Variants in SHC4 observed in about 807,000 individuals in gnomAD.
The protein encoded by SHC4 is SHC-transforming protein 4.
In SHC4, 41 loss-of-function variants were observed where a neutral mutation model predicts 69.4. That is an observed-to-expected ratio of 0.59 (90% CI 0.46 to 0.77). SHC4 has a LOEUF of 0.77. Among genes scored for constraint, SHC4 ranks in the 30% least tolerant of loss-of-function variants. SHC4 has a pLI of 0.00. For synonymous variants in SHC4, 318 were observed against 299.3 expected, an observed-to-expected ratio of 1.06 and a Z score of -0.64; for missense variants, 777 against 783.8, an observed-to-expected ratio of 0.99 and a Z score of 0.10.
intron 4 of SHC4, chr15:48,878,060 C>A (rs892725196): frequency 2.2e-6 from 3 of 1,366,600 alleles, no homozygotes; most frequent in Non-Finnish European, 3.0e-6. Context: ...TACCTGAGGA[C>A]CACGCCTGCG....
chr15:48,845,671 C>G (rs1202344931), intron 9 of SHC4, among the ~76,000 whole-genome samples: 1 of 152,130 alleles, frequency 6.6e-6, no homozygotes, highest in Non-Finnish European at 1.5e-5. Flanking sequence ...TTTGGCCCCT[C>G]AAATGTTCAA....
At chr15:48,864,085 T>TAG (rs1321365049) in intron 6 of SHC4, among the ~76,000 whole-genome samples, 1 of 152,230 alleles carries the variant, frequency 6.6e-6, no homozygotes, top group Non-Finnish European at 1.5e-5. Flanking sequence ...TTGTTTATTC[T>TAG]ATTTATGAGA....
intron 1 of SHC4, among the ~76,000 whole-genome samples, chr15:48,947,535 C>G (rs369169303): frequency 3.9e-5 from 6 of 152,304 alleles, no homozygotes; most frequent in Admixed American, 6.5e-5. Context: ...TGCTTGTCAT[C>G]CTTTTTTCTT....
intron 1 of SHC4, among the ~76,000 whole-genome samples, chr15:48,944,932 G>A (rs1202143297): frequency 6.6e-6 from 1 of 152,156 alleles, no homozygotes; most frequent in South Asian, 2.1e-4. Flanking sequence ...AACTTCAAAT[G>A]TCCTAAGCAT....
intron 2 of SHC4, among the ~76,000 whole-genome samples, chr15:48,891,552 C>A (rs1453640828): frequency 1.3e-5 from 2 of 152,298 alleles, no homozygotes; most frequent in East Asian, 1.9e-4. Context: ...GGACTCTGAG[C>A]ATTCATAACT....
At chr15:48,907,035 C>T (rs1051826138) in intron 2 of SHC4, among the ~76,000 whole-genome samples, 3 of 152,036 alleles carry the variant, frequency 2.0e-5, no homozygotes, top group East Asian at 1.9e-4. Context: ...ACTGTTACTA[C>T]GGGTTATCTC....
intron 10 of SHC4, among the ~76,000 whole-genome samples, chr15:48,842,687 G>A (rs1406624354): frequency 3.9e-5 from 6 of 152,188 alleles, no homozygotes; most frequent in African/African-American, 1.2e-4. Flanking sequence ...CCAATGCTTT[G>A]AGAGGCCGAG....
At chr15:48,891,741 A>G (rs1407165223) in intron 2 of SHC4, among the ~76,000 whole-genome samples, 1 of 152,228 alleles carries the variant, frequency 6.6e-6, no homozygotes, top group Non-Finnish European at 1.5e-5. Flanking sequence ...ACATTGTATT[A>G]TAGTTTTTAT....
chr15:48,962,751 G>A lies in SHC4; in HGVS notation c.265C>T (p.Arg89Cys), dbSNP rs1248538969. Reference protein sequence around the residue: ...SPTPLCTLIPRMASMKLANPA... With the variant: ...SPTPLCTLIPCMASMKLANPA... ...TTGGCCAGCTTCATGCTTGCCATGCGGGGGATCAAGGTGCACAGTGGGGTG... is the reference window on the plus strand; with the variant it reads ...TTGGCCAGCTTCATGCTTGCCATGCAGGGGATCAAGGTGCACAGTGGGGTG... Residue 89 changes from arginine to cysteine, a missense_variant, in exon 1 of 12, where the codon CGC becomes TGC. Physicochemically the swap from Arg to Cys is radical, Grantham distance 180 (BLOSUM62 -3). Transcript: ENST00000332408. The A allele has an allele frequency of 8.1e-6, 13 of 1,613,058 alleles. No individual in the cohort carries two copies. Among genetic ancestry groups the A allele is most frequent in the Non-Finnish European group, 1.1e-5 (13 of 1,180,024 alleles).
chr15:48,876,450 TA>T (rs1368405680), intron 4 of SHC4: 4 of 319,740 alleles, frequency 1.3e-5, no homozygotes, highest in African/African-American at 1.0e-4. Flanking sequence ...TACATATATA[TA>T]TACACACACA....
chr15:48,862,745 C>G (rs763556594), intron 6 of SHC4, among the ~76,000 whole-genome samples: 4 of 152,148 alleles, frequency 2.6e-5, no homozygotes, highest in Admixed American at 6.5e-5. Flanking sequence ...ACCCTCATGC[C>G]CCTTAACTCC....
At chr15:48,915,878 T>A (rs1900611365) in intron 2 of SHC4, among the ~76,000 whole-genome samples, 1 of 152,230 alleles carries the variant, frequency 6.6e-6, no homozygotes, top group South Asian at 2.1e-4. Context: ...CTGGGGAATG[T>A]TCCCTTGTCT....
At chr15:48,878,100 C>T (rs1441622325) in intron 4 of SHC4, 35 of 1,498,066 alleles carry the variant, frequency 2.3e-5, no homozygotes, top group Non-Finnish European at 2.9e-5. Flanking sequence ...GCAGCCTTTG[C>T]GCACGCGCAC....
At chr15:48,850,299 A>C (rs1899185722) in intron 9 of SHC4, among the ~76,000 whole-genome samples, 2 of 152,138 alleles carry the variant, frequency 1.3e-5, no homozygotes, top group South Asian at 4.1e-4. Context: ...AGATAGAGGA[A>C]GGTGGTAATC....
intron 1 of SHC4, among the ~76,000 whole-genome samples, chr15:48,942,675 T>C (rs1401176071): frequency 6.6e-6 from 1 of 152,236 alleles, no homozygotes; most frequent in Non-Finnish European, 1.5e-5. Context: ...AAGTATTGAC[T>C]TTCTAGAAGG....
chr15:48,853,014 A>T (rs974103950), intron 8 of SHC4, among the ~76,000 whole-genome samples: 10 of 151,636 alleles, frequency 6.6e-5, no homozygotes, highest in Non-Finnish European at 1.3e-4. Flanking sequence ...GAAAGAGATT[A>T]AAAAACATAC....
In SHC4 at chr15:48,962,667, G is replaced by C. The variant is rs375827147; in HGVS notation, c.349C>G (p.Leu117Val). The change falls in exon 1 of 12, where the codon CTG becomes GTG. Residue 117 changes from leucine (L) to valine (V), a missense_variant. By Grantham distance (32) the Leu-to-Val change is conservative. Coordinates refer to ENST00000332408, the MANE Select transcript of SHC4 (RefSeq NM_203349.4). ...FCLGTKEVPRLKLQESRDPGS... is the reference protein window; with the variant it reads ...FCLGTKEVPRVKLQESRDPGS... ...GGGTCCCGGCTTTCCTGGAGCTTCA[G>C]CCGAGGCACCTCTTTGGTACCCAGG... The C allele has an allele frequency of 6.2e-7, 1 of 1,614,084 alleles. No homozygotes were observed. Among genetic ancestry groups the C allele is most frequent in the Non-Finnish European group, 8.5e-7 (1 of 1,180,048 alleles).
intron 3 of SHC4, among the ~76,000 whole-genome samples, chr15:48,886,259 T>A (rs1347387968): frequency 3.3e-5 from 5 of 150,374 alleles, no homozygotes; most frequent in Non-Finnish European, 4.4e-5. Context: ...TGTCTCAAAA[T>A]ATATATATAT....
chr15:48,950,443 G>A (rs1187154436), intron 1 of SHC4, among the ~76,000 whole-genome samples: 4 of 151,806 alleles, frequency 2.6e-5, no homozygotes, highest in Non-Finnish European at 5.9e-5. Flanking sequence ...GTGTCTATAG[G>A]CATATATCAT....
Sources: allele counts gnomAD v4.1 joint callset (sites outside exome capture counted in the v4.1 genomes callset), GRCh38; gene constraint gnomAD v4.1.1; transcripts MANE v1.5; gene names NCBI Gene and HGNC (gene_info 2026-07-23, HGNC 2026-07-21).